SP140: variants seen among roughly 807,000 people sequenced by gnomAD.
The protein encoded by SP140 is SP140 nuclear body protein.
A neutral mutation model predicts 125.0 loss-of-function variants in SP140; 81 were observed. The observed-to-expected ratio is 0.65, with a 90% CI of 0.54 to 0.78. The LOEUF (loss-of-function observed/expected upper bound fraction) is 0.78, where lower values mean the gene tolerates loss of function less well. Ranked by LOEUF, SP140 falls within the 30% of genes least tolerant of loss-of-function variation. The probability of loss-of-function intolerance (pLI) is 0.00; values close to 1 mark genes in which losing one functional copy is unlikely to be tolerated. For missense variants in SP140, 858 were observed against 1,037.0 expected, an observed-to-expected ratio of 0.83 and a Z score of 2.37; for synonymous variants, 312 against 354.0, an observed-to-expected ratio of 0.88 and a Z score of 1.33.
At chr2:230,303,561 A>G (rs1490868988) in intron 22 of SP140, among the ~76,000 whole-genome samples, 1 of 152,222 alleles carries the variant, frequency 6.6e-6, no homozygotes, top group Non-Finnish European at 1.5e-5. Flanking sequence ...AAATCATTCT[A>G]TGAAGCCAGT....
chr2:230,265,728 G>A (rs1260604768), intron 12 of SP140, among the ~76,000 whole-genome samples: 1 of 151,954 alleles, frequency 6.6e-6, no homozygotes, highest in Non-Finnish European at 1.5e-5. Context: ...CAGTGGGGGT[G>A]TGTGTTCGGG....
Position 230,211,590 on chromosome 2 carries a change from C to T in SP140, c.-322-2064C>T. On this transcript the variant is annotated intron_variant, in intron 1 of 4. Coordinates refer to the SP140 transcript ENST00000456542. This position sits in a 1 kb window ranked among gnomAD's most constrained non-coding sequence, Gnocchi z 4.2. ...AAGAAAAAGTTTTAGATCTCAGGAA[C>T]AGCAAGCAGGGACCAGAATGAGGAG... The T allele has an allele frequency of 8.1e-7, 1 of 1,229,580 alleles. No individual in the cohort carries two copies. The highest frequency in any genetic ancestry group is 1.2e-6 in the Non-Finnish European group (1 of 828,898). 76.2% of individuals were successfully genotyped at this position (1,229,580 alleles called of 1,614,324 possible). A position where few individuals can be genotyped will look rare whatever the true frequency, so the allele number is the denominator to read the frequency against.
At chr2:230,306,443 G>C (rs902328962) in intron 22 of SP140, among the ~76,000 whole-genome samples, 1 of 152,246 alleles carries the variant, frequency 6.6e-6, no homozygotes, top group African/African-American at 2.4e-5. Context: ...CAGGAGCCCT[G>C]CCTCTCCCAA....
chr2:230,284,154 G>A (rs192354920), intron 15 of SP140, among the ~76,000 whole-genome samples, 192 bp from the exon 16 acceptor site: 2 of 152,200 alleles, frequency 1.3e-5, no homozygotes, highest in African/African-American at 4.8e-5. Flanking sequence ...CAAGCCCATG[G>A]CCCAAGGCTC....
At position 230,269,898 on chromosome 2, in the gene SP140, G is replaced by A; in HGVS notation, c.1389G>A (p.Glu463=). 6.2e-7 allele frequency: 1 copy of A among 1,614,094 alleles called. No homozygotes were observed. ...CCTGTGTCATGTGTTTCTCAGAAGA[G>A]GTGCCAGGAAGCCCAGAAGCAAGGA... is the stretch of plus-strand genomic sequence containing the variant. The part of the protein sequence containing the change: ...KCSCVMCFSE[E]VPGSPEARTE... The change falls in exon 14 of 27, where the codon GAG becomes GAA. Residue 463 remains glutamate (E), a synonymous_variant. Transcript: ENST00000392045.
intron 1 of SP140, chr2:230,212,539 G>T: frequency 9.3e-7 from 1 of 1,073,990 alleles, no homozygotes; most frequent in Non-Finnish European, 1.4e-6. Flanking sequence ...CAAGGGCAGA[G>T]GGTTGGAATG....
chr2:230,297,305 A>G (rs2057831003), intron 21 of SP140, 116 bp from the exon 22 acceptor site: 1 of 1,276,222 alleles, frequency 7.8e-7, no homozygotes, highest in South Asian at 1.5e-5. Flanking sequence ...CTTCCCAATT[A>G]TTTTTTAACA....
At chr2:230,193,763 C>CTAT in the SP140 span, among the ~76,000 whole-genome samples, 1 of 152,128 alleles carries the variant, frequency 6.6e-6, no homozygotes, top group African/African-American at 2.4e-5. Flanking sequence ...ATTTCCCTGA[C>CTAT]TATTACATCA....
chr2:230,306,617 C>T (rs1322719038), intron 22 of SP140, among the ~76,000 whole-genome samples: 2 of 152,250 alleles, frequency 1.3e-5, no homozygotes, highest in African/African-American at 2.4e-5. Flanking sequence ...CTGCTGCAAT[C>T]TTGGAGCAGG....
intron 3 of SP140, chr2:230,220,031 T>G (rs1401996347): frequency 2.0e-6 from 2 of 985,416 alleles, no homozygotes; most frequent in Non-Finnish European, 2.4e-6. Context: ...AAAAGAAAAG[T>G]GAAAGTTTTC....
At chr2:230,207,682 C>A (rs2044020394) in intron 1 of SP140, among the ~76,000 whole-genome samples, 1 of 152,170 alleles carries the variant, frequency 6.6e-6, no homozygotes, top group Admixed American at 6.5e-5. Flanking sequence ...ATCCTGTCAA[C>A]AATACCTGCA....
At chr2:230,257,651 C>T (rs893613824) in intron 12 of SP140, among the ~76,000 whole-genome samples, 2 of 152,162 alleles carry the variant, frequency 1.3e-5, no homozygotes, top group African/African-American at 2.4e-5. Context: ...CCTGTAGTCC[C>T]AGCTACTCGG....
intron 17 of SP140, among the ~76,000 whole-genome samples, chr2:230,287,605 C>A (rs192303359): frequency 1.6e-3 from 237 of 152,028 alleles, no homozygotes; most frequent in Non-Finnish European, 2.5e-3. Flanking sequence ...ATGAAATGAA[C>A]CTTCAAAATA....
intron 12 of SP140, among the ~76,000 whole-genome samples, chr2:230,257,105 G>A (rs1308824954): frequency 1.3e-5 from 2 of 152,234 alleles, no homozygotes; most frequent in Admixed American, 1.3e-4. Context: ...CATGGGTTGG[G>A]GTGGGGTCTC....
chr2:230,291,791 C>T (rs1478637433), intron 19 of SP140, among the ~76,000 whole-genome samples: 1 of 152,138 alleles, frequency 6.6e-6, no homozygotes, highest in Non-Finnish European at 1.5e-5. Flanking sequence ...ATGACTACAT[C>T]GTATGGTAAT....
Position 230,209,785 on chromosome 2 carries a change from C to G in SP140, c.-322-3869C>G, listed in dbSNP as rs1465244068. The G allele has an allele frequency of 2.0e-5, 14 of 702,552 alleles. No individual in the cohort carries two copies. The Admixed American group carries it at 3.0e-4, about 15-fold the overall frequency. 43.5% of individuals were successfully genotyped at this position (702,552 alleles called of 1,614,324 possible). A position where few individuals can be genotyped will look rare whatever the true frequency, so the allele number is the denominator to read the frequency against. On this transcript the variant is annotated intron_variant, in intron 1 of 4. Coordinates refer to the SP140 transcript ENST00000456542. Reference sequence around the variant, plus strand: ...TTCATAAAGGCCTTTTTGGAAGATGCAGCAAATGGAAACTGCAGAAACGAA... The same window carrying G: ...TTCATAAAGGCCTTTTTGGAAGATGGAGCAAATGGAAACTGCAGAAACGAA...
chr2:230,213,146 C>T, intron 1 of SP140: 9 of 972,628 alleles, frequency 9.3e-6, no homozygotes, highest in Non-Finnish European at 1.5e-5. Flanking sequence ...CATTGTCCCC[C>T]AGGTGCAGAG....
chr2:230,310,082 T>C lies in SP140; in HGVS notation c.2174+43T>C, dbSNP rs1255129471. 10 of 1,587,768 alleles carry C rather than the reference T, an allele frequency of 6.3e-6. No homozygotes were observed. In the Admixed American group the frequency reaches 1.2e-4, roughly 19 times the overall value. ...GTCTCTCTTTTTGTCCTTTAAGGGA[T>C]CTTCCACCTGCCATGCGCACTCTCC... On this transcript the variant is annotated intron_variant, in intron 23 of 26. Coordinates refer to ENST00000392045, the MANE Select transcript of SP140 (RefSeq NM_007237.5).
intron 18 of SP140, among the ~76,000 whole-genome samples, chr2:230,288,355 C>G (rs2056663172): frequency 6.6e-6 from 1 of 152,190 alleles, no homozygotes; most frequent in Non-Finnish European, 1.5e-5. Context: ...GATCTGTGTC[C>G]TAAGACTTTC....
Sources: allele counts gnomAD v4.1 joint callset (sites outside exome capture counted in the v4.1 genomes callset), GRCh38; gene constraint gnomAD v4.1.1; non-coding constraint Gnocchi (gnomAD v3.1); transcripts MANE v1.5; gene names NCBI Gene and HGNC (gene_info 2026-07-23, HGNC 2026-07-21).